ADAMTS20: variants seen among roughly 807,000 people sequenced by gnomAD.
The protein encoded by ADAMTS20 is A disintegrin and metalloproteinase with thrombospondin motifs 20.
In ADAMTS20, 225 loss-of-function variants were observed where a neutral mutation model predicts 260.1. The observed-to-expected ratio is 0.87, with a 90% CI of 0.78 to 0.97. ADAMTS20 has a LOEUF of 0.97. ADAMTS20 is among the 50% of genes least tolerant of loss of function. The probability of loss-of-function intolerance (pLI) is 0.00; values close to 1 mark genes in which losing one functional copy is unlikely to be tolerated. For synonymous variants in ADAMTS20, 802 were observed against 769.5 expected, an observed-to-expected ratio of 1.04 and a Z score of -0.70; for missense variants, 2,400 against 2,337.7, an observed-to-expected ratio of 1.03 and a Z score of -0.55.
intron 14 of ADAMTS20, among the ~76,000 whole-genome samples, chr12:43,452,070 T>C (rs1941873747): frequency 6.6e-6 from 1 of 152,136 alleles, no homozygotes; most frequent in Non-Finnish European, 1.5e-5. Flanking sequence ...CTTAATGCTT[T>C]GTTGAGGCAT....
chr12:43,435,113 C>G (rs186691693), intron 18 of ADAMTS20, among the ~76,000 whole-genome samples: 1 of 152,268 alleles, frequency 6.6e-6, no homozygotes, highest in Non-Finnish European at 1.5e-5. Flanking sequence ...TGTCACTATA[C>G]GTTTGTCAAA....
In ADAMTS20 at chr12:43,421,001, G is replaced by A. The variant is rs7302257; in HGVS notation, c.4284+4513C>T. The stretch of plus-strand genomic sequence containing the variant: ...TTTTGTATTTTTAGTAGAGACGGGG[G>A]TTTCACCATGTTGGCCAGGCTGGTC... On this transcript the variant is annotated intron_variant, in intron 28 of 38. Coordinates refer to ENST00000389420, the MANE Select transcript of ADAMTS20 (RefSeq NM_025003.5). Among the ~76,000 whole-genome samples, 892 of 150,428 alleles carry A rather than the reference G, an allele frequency of 5.9e-3. 11 individuals are homozygous for A. The highest frequency in any genetic ancestry group is 0.021 in the African/African-American group (841 of 40,994).
intron 29 of ADAMTS20, among the ~76,000 whole-genome samples, chr12:43,398,194 A>G (rs1164804585): frequency 1.3e-5 from 2 of 152,168 alleles, no homozygotes; most frequent in Non-Finnish European, 2.9e-5. Flanking sequence ...ACCCATTGAA[A>G]TTAGTCCTCA....
chr12:43,357,354 T>C (rs77828638), intron 37 of ADAMTS20, among the ~76,000 whole-genome samples: 3 of 152,176 alleles, frequency 2.0e-5, no homozygotes, highest in Non-Finnish European at 4.4e-5. Flanking sequence ...AATATCTCAA[T>C]GGCTTAAGAC....
At chr12:43,542,531 T>C (rs938227501) in intron 2 of ADAMTS20, among the ~76,000 whole-genome samples, 15 of 152,174 alleles carry the variant, frequency 9.9e-5, no homozygotes, top group Non-Finnish European at 1.9e-4. Context: ...TTTTCATGTG[T>C]TATTTCTTGT....
At chr12:43,475,609 G>A (rs1221195817) in intron 7 of ADAMTS20, among the ~76,000 whole-genome samples, 1 of 152,126 alleles carries the variant, frequency 6.6e-6, no homozygotes, top group South Asian at 2.1e-4. Flanking sequence ...CAAGGCTACA[G>A]TAACCAAAAC....
At chr12:43,441,350 G>A (rs983799526) in intron 16 of ADAMTS20, among the ~76,000 whole-genome samples, 1 of 151,416 alleles carries the variant, frequency 6.6e-6, no homozygotes, top group African/African-American at 2.4e-5. Context: ...AAATAGAGAA[G>A]ACAATTATAT....
chr12:43,466,968 C>A (rs1030250511), intron 8 of ADAMTS20, among the ~76,000 whole-genome samples, 173 bp from the exon 9 acceptor site: 1 of 151,696 alleles, frequency 6.6e-6, no homozygotes, highest in Non-Finnish European at 1.5e-5. Context: ...TTTAGAAGTA[C>A]CTGATGACTG....
At chr12:43,532,555 G>GTT (rs370124548) in intron 2 of ADAMTS20, among the ~76,000 whole-genome samples, 5,357 of 137,250 alleles carry the variant, frequency 0.039, 198 homozygotes, top group African/African-American at 0.089. Context: ...TTTTTTTAAT[G>GTT]TTTTTTTTTT....
rs547681233 is a variant in ADAMTS20 at position 43,496,802 on chromosome 12, T to C, written c.868-3549A>G. Among the ~76,000 whole-genome samples the C allele has an allele frequency of 2.0e-5, 3 of 152,244 alleles. No homozygotes were observed. In the South Asian group the frequency reaches 6.2e-4, roughly 32 times the overall value. On this transcript the variant is annotated intron_variant, in intron 4 of 38. Coordinates refer to ENST00000389420, the MANE Select transcript of ADAMTS20 (RefSeq NM_025003.5). ...AGTTTGAGAAATGAGCTAAAATAAT[T>C]AGATATCTTCATGGAATCTTGAATA...
chr12:43,536,769 G>C (rs1293333362), intron 2 of ADAMTS20, among the ~76,000 whole-genome samples: 1 of 152,190 alleles, frequency 6.6e-6, no homozygotes, highest in African/African-American at 2.4e-5. Flanking sequence ...CATCAGACAG[G>C]CAGAAGCCTG....
intron 3 of ADAMTS20, among the ~76,000 whole-genome samples, chr12:43,508,360 C>CAG (rs1942874762): frequency 6.6e-6 from 1 of 151,956 alleles, no homozygotes; most frequent in African/African-American, 2.4e-5. Flanking sequence ...CTACAACATA[C>CAG]AGAGCTTAAG....
intron 2 of ADAMTS20, among the ~76,000 whole-genome samples, chr12:43,533,416 C>G (rs1335657085): frequency 4.9e-5 from 7 of 141,936 alleles, no homozygotes; most frequent in Non-Finnish European, 1.1e-4. Context: ...ATCCAACTTA[C>G]AAGGGATGTG....
At chr12:43,468,481 C>T (rs1942193833) in intron 8 of ADAMTS20, 119 bp downstream of exon 8, 1 of 696,946 alleles carries the variant, frequency 1.4e-6, no homozygotes, top group African/African-American at 1.8e-5. Context: ...AAGAAAATTA[C>T]ACTAATAACA....
Position 43,446,633 on chromosome 12 carries a change from C to A in ADAMTS20, c.2159G>T (p.Cys720Phe), listed in dbSNP as rs764293899. 8.7e-6 allele frequency: 14 copies of A among 1,613,342 alleles called. No individual in the cohort carries two copies. In the South Asian group the frequency reaches 1.5e-4, roughly 18 times the overall value. ...GTTGAAGACACCTGTTATTGTCTTG[C>A]ATGAAGAGTTGTCCCCACCACACAC... is the stretch of plus-strand genomic sequence containing the variant. ...CGVCGGDNSSCKTITGVFNSS... is the reference protein window; with the variant it reads ...CGVCGGDNSSFKTITGVFNSS... The change falls in exon 15 of 39, where the codon TGC (cysteine) becomes TTC (phenylalanine). Residue 720 changes from cysteine to phenylalanine, a missense_variant. Transcript: ENST00000389420.
intron 3 of ADAMTS20, among the ~76,000 whole-genome samples, chr12:43,520,566 G>A (rs1036299159): frequency 2.0e-5 from 3 of 152,152 alleles, no homozygotes; most frequent in Non-Finnish European, 4.4e-5. Context: ...CCTCAAAACT[G>A]TAACAGTAAG....
chr12:43,436,482 A>G (rs1296727200), intron 18 of ADAMTS20, among the ~76,000 whole-genome samples: 1 of 62,126 alleles, frequency 1.6e-5, no homozygotes, highest in Admixed American at 1.6e-4. Flanking sequence ...TTTAGCCCCA[A>G]ATATTTAAAA....
rs532779436 is a variant in ADAMTS20 at position 43,462,720 on chromosome 12, A to C, written c.1614+175T>G. 2.6e-5 allele frequency among the ~76,000 whole-genome samples: 4 copies of C among 152,322 alleles called. No individual in the cohort carries two copies. The East Asian group carries it at 7.7e-4, about 29-fold the overall frequency. ...TCTGCCATAGCTTAGAAATAGGGTA[A>C]AATTAAAGATTTAATTCATTGACAA... On this transcript the variant is annotated intron_variant, in intron 11 of 38. Coordinates refer to ENST00000389420, the MANE Select transcript of ADAMTS20 (RefSeq NM_025003.5).
intron 7 of ADAMTS20, among the ~76,000 whole-genome samples, chr12:43,477,661 C>G (rs1182328183): frequency 1.3e-5 from 2 of 152,164 alleles, no homozygotes; most frequent in Admixed American, 6.5e-5. Flanking sequence ...TTCTTTCTCT[C>G]TCTCTCTCTC....
Sources: allele counts gnomAD v4.1 joint callset (sites outside exome capture counted in the v4.1 genomes callset), GRCh38; gene constraint gnomAD v4.1.1; transcripts MANE v1.5; gene names NCBI Gene and HGNC (gene_info 2026-07-23, HGNC 2026-07-21).